CAMK1D: variants seen among roughly 807,000 people sequenced by gnomAD.
The protein encoded by CAMK1D is calcium/calmodulin-dependent protein kinase type 1D.
In CAMK1D, 9 loss-of-function variants were observed where a neutral mutation model predicts 47.7. That is an observed-to-expected ratio of 0.19 (90% CI 0.11 to 0.33). The LOEUF (loss-of-function observed/expected upper bound fraction) is 0.33, where lower values mean the gene tolerates loss of function less well. Ranked by LOEUF, CAMK1D falls within the 10% of genes least tolerant of loss-of-function variation. CAMK1D has a pLI of 1.00. For synonymous variants in CAMK1D, 184 were observed against 184.9 expected (o/e 0.99, Z 0.04); for missense variants, 291 against 488.7 (o/e 0.60, Z 3.81).
chr10:12,600,203 A>C (rs1838259994), intron 2 of CAMK1D, among the ~76,000 whole-genome samples: 3 of 152,318 alleles, frequency 2.0e-5, no homozygotes, highest in Middle Eastern at 3.4e-3. Context: ...AAAAAACAGG[A>C]GAGATACTCA....
At chr10:12,739,480 G>A (rs551177874) in intron 3 of CAMK1D, among the ~76,000 whole-genome samples, 3 of 144,454 alleles carry the variant, frequency 2.1e-5, no homozygotes, top group East Asian at 2.0e-4. Flanking sequence ...CAGTAGAGAC[G>A]GTGTTTCACC....
intron 1 of CAMK1D, among the ~76,000 whole-genome samples, chr10:12,512,910 C>G (rs925238910): frequency 6.6e-6 from 1 of 152,148 alleles, no homozygotes; most frequent in Non-Finnish European, 1.5e-5. Flanking sequence ...TGGACCGGAG[C>G]GAGCATACTT....
intron 1 of CAMK1D, among the ~76,000 whole-genome samples, chr10:12,380,253 A>T (rs1838302093): frequency 6.6e-6 from 1 of 152,160 alleles, no homozygotes; most frequent in South Asian, 2.1e-4. Flanking sequence ...ATTGAACATC[A>T]GGTGAAACCC....
At chr10:12,485,711 G>T (rs1834194374) in intron 1 of CAMK1D, among the ~76,000 whole-genome samples, 1 of 152,210 alleles carries the variant, frequency 6.6e-6, no homozygotes, top group Non-Finnish European at 1.5e-5. Flanking sequence ...TTCTCGAGGA[G>T]TCATGAGTTC....
intron 1 of CAMK1D, among the ~76,000 whole-genome samples, chr10:12,450,157 G>A (rs1311294525): frequency 6.6e-6 from 1 of 150,954 alleles, no homozygotes; most frequent in East Asian, 1.9e-4. Flanking sequence ...AGGAGGGAAG[G>A]AAAAAGGGAA....
rs1836493963 is a variant in CAMK1D, at chr10:12,761,227, A to T, written c.438+141A>T. 8.1e-6 allele frequency: 8 copies of T among 984,210 alleles called. No homozygotes were observed. In the South Asian group the frequency reaches 1.1e-4, roughly 13 times the overall value. The allele number at this position is 984,210 out of a possible 1,614,324, so 61.0% of individuals were successfully genotyped here. A position where few individuals can be genotyped will look rare whatever the true frequency, so the allele number is the denominator to read the frequency against. On this transcript the variant is annotated intron_variant, in intron 4 of 10. Coordinates refer to ENST00000619168, the MANE Select transcript of CAMK1D (RefSeq NM_153498.4). ...AGATGGTGGGCATTTGTGTACTTTG[A>T]GTTGTCAGGGCCTTTGGGATCCAGA...
chr10:12,771,478 A>G (rs371321463), intron 5 of CAMK1D, among the ~76,000 whole-genome samples: 1 of 152,236 alleles, frequency 6.6e-6, no homozygotes, highest in South Asian at 2.1e-4. Context: ...GCATATAATT[A>G]CAGAGCCATG....
At chr10:12,774,317 G>A (rs964722549) in intron 5 of CAMK1D, among the ~76,000 whole-genome samples, 1 of 152,112 alleles carries the variant, frequency 6.6e-6, no homozygotes. Flanking sequence ...CACTAAGAGG[G>A]TGGCCGTGGT....
chr10:12,691,884 G>A (rs1400536042), intron 3 of CAMK1D, among the ~76,000 whole-genome samples: 2 of 152,086 alleles, frequency 1.3e-5, no homozygotes, highest in African/African-American at 4.8e-5. Context: ...TTACATTTAT[G>A]TGCATGTTAT....
At chr10:12,612,025 T>A (rs990139685) in intron 2 of CAMK1D, among the ~76,000 whole-genome samples, 1 of 152,230 alleles carries the variant, frequency 6.6e-6, no homozygotes, top group Non-Finnish European at 1.5e-5. Flanking sequence ...CTGGACACGG[T>A]AGATAAACTA....
chr10:12,425,971 C>T (rs1275157298), intron 1 of CAMK1D, among the ~76,000 whole-genome samples: 1 of 152,228 alleles, frequency 6.6e-6, no homozygotes, highest in African/African-American at 2.4e-5. Context: ...TTAAATAATT[C>T]AGGCTCACTG....
chr10:12,660,739 T>A (rs1367852865), intron 2 of CAMK1D, among the ~76,000 whole-genome samples: 3 of 152,250 alleles, frequency 2.0e-5, no homozygotes, highest in African/African-American at 7.2e-5. Context: ...TTGGGCCTGG[T>A]AAATGATAAG....
At chr10:12,506,801 A>G (rs1265790336) in intron 1 of CAMK1D, among the ~76,000 whole-genome samples, 1 of 152,028 alleles carries the variant, frequency 6.6e-6, no homozygotes, top group Admixed American at 6.5e-5. Context: ...TACAGGCGTG[A>G]GCCACCGCGC....
chr10:12,715,790 G>A (rs1387758050), intron 3 of CAMK1D, among the ~76,000 whole-genome samples: 3 of 148,634 alleles, frequency 2.0e-5, no homozygotes, highest in Admixed American at 6.8e-5. Flanking sequence ...GTGCAATCTC[G>A]GCTCATTGCA....
intron 1 of CAMK1D, among the ~76,000 whole-genome samples, chr10:12,520,130 C>T (rs1389044785): frequency 5.1e-5 from 4 of 78,484 alleles, no homozygotes; most frequent in Admixed American, 1.3e-4. Context: ...CCTCACTTCC[C>T]AGATGGGGTG....
intron 3 of CAMK1D, among the ~76,000 whole-genome samples, chr10:12,698,562 G>A (rs946884843): frequency 7.2e-5 from 11 of 151,966 alleles, no homozygotes; most frequent in African/African-American, 2.4e-4. Flanking sequence ...TGTAAGTGCT[G>A]ATAGCAACCA....
At chr10:12,534,501 G>C (rs1202094174) in intron 1 of CAMK1D, among the ~76,000 whole-genome samples, 1 of 152,208 alleles carries the variant, frequency 6.6e-6, no homozygotes, top group Non-Finnish European at 1.5e-5. Flanking sequence ...TGAGTAGCTG[G>C]AATTACATGC....
At chr10:12,445,214 AT>A (rs1832892950) in intron 1 of CAMK1D, among the ~76,000 whole-genome samples, 1 of 152,120 alleles carries the variant, frequency 6.6e-6, no homozygotes, top group African/African-American at 2.4e-5. Context: ...GGTGTGTCCG[AT>A]CCTCCCTTCC....
intron 2 of CAMK1D, among the ~76,000 whole-genome samples, chr10:12,568,643 T>G (rs1837221317): frequency 6.6e-6 from 1 of 151,410 alleles, no homozygotes; most frequent in Non-Finnish European, 1.5e-5. Context: ...TTGTTTTGTT[T>G]TGAGTGCTTC....
Sources: gnomAD v4.1 joint callset for allele counts (sites outside exome capture counted in the v4.1 genomes callset) on GRCh38, gnomAD v4.1.1 for gene constraint, MANE v1.5 for transcripts, NCBI Gene and HGNC (gene_info 2026-07-23, HGNC 2026-07-21) for gene names.